The following GRIK2 variants were observed in gnomAD, a reference collection of about 807,000 sequenced individuals.
GRIK2 encodes glutamate receptor ionotropic, kainate 2.
A neutral mutation model predicts 100.3 loss-of-function variants in GRIK2; 32 were observed. The ratio of observed to expected loss-of-function variants is 0.32; its 90% confidence interval spans 0.24 to 0.43. GRIK2 has a LOEUF of 0.43. Ranked by LOEUF, GRIK2 falls within the 20% of genes least tolerant of loss-of-function variation. The probability of loss-of-function intolerance (pLI) is 1.00; values close to 1 mark genes in which losing one functional copy is unlikely to be tolerated. For missense variants in GRIK2, 843 were observed against 1,114.9 expected (o/e 0.76, Z 3.47); for synonymous variants, 417 against 389.4 (o/e 1.07, Z -0.83).
At chr6:101,438,085 G>T in intron 2 of GRIK2, among the ~76,000 whole-genome samples, 1 of 152,160 alleles carries the variant, frequency 6.6e-6, no homozygotes, top group Middle Eastern at 3.4e-3. Context: ...TCTACATATT[G>T]TCCATCAAAT....
intron 11 of GRIK2, among the ~76,000 whole-genome samples, chr6:101,865,732 CA>C (rs938732062): frequency 6.6e-6 from 1 of 151,544 alleles, no homozygotes; most frequent in African/African-American, 2.4e-5. Flanking sequence ...ACTAAAAATA[CA>C]AAAAAGTTAG....
chr6:101,612,271 G>A (rs1779714719), intron 2 of GRIK2, among the ~76,000 whole-genome samples: 1 of 151,704 alleles, frequency 6.6e-6, no homozygotes, highest in South Asian at 2.1e-4. Flanking sequence ...GAAACATAAA[G>A]AAGAAAAACA....
intron 2 of GRIK2, among the ~76,000 whole-genome samples, chr6:101,477,502 A>T (rs1027097493): frequency 6.6e-6 from 1 of 152,132 alleles, no homozygotes; most frequent in Non-Finnish European, 1.5e-5. Flanking sequence ...ACGATGAAAC[A>T]TGGGAGTCAG....
chr6:101,475,192 G>A (rs937498523), intron 2 of GRIK2, among the ~76,000 whole-genome samples: 39 of 151,960 alleles, frequency 2.6e-4, no homozygotes, highest in Non-Finnish European at 5.9e-5. Context: ...ACTGACACAC[G>A]TTTAGAGAAG....
chr6:101,551,931 G>T (rs1776531631), intron 2 of GRIK2, among the ~76,000 whole-genome samples: 1 of 152,168 alleles, frequency 6.6e-6, no homozygotes, highest in Non-Finnish European at 1.5e-5. Context: ...TTAGTGTAAA[G>T]CTTCTGCACC....
intron 14 of GRIK2, among the ~76,000 whole-genome samples, chr6:102,002,266 G>A (rs1377280544): frequency 6.7e-6 from 1 of 149,258 alleles, no homozygotes; most frequent in Non-Finnish European, 1.5e-5. Context: ...GATTATGTGT[G>A]TGTGTATGTA....
At position 101,595,591 on chromosome 6, in the gene GRIK2, TAC is replaced by T. The variant is rs748144806; in HGVS notation, c.116-26348_116-26347del. Reference sequence around the variant, plus strand: ...TAGGGATTTTATATGTGTATATATATACACACACACAGGTACAAACACACACA... The same window carrying T: ...TAGGGATTTTATATGTGTATATATATACACACACAGGTACAAACACACACA... On this transcript the variant is annotated intron_variant, in intron 2 of 16. Coordinates refer to ENST00000369134, the MANE Select transcript of GRIK2 (RefSeq NM_021956.5). Among the ~76,000 whole-genome samples the T allele has an allele frequency of 6.6e-5, 10 of 151,202 alleles. No homozygotes were observed. In the South Asian group the frequency reaches 1.5e-3, roughly 22 times the overall value.
At chr6:101,461,446 C>T (rs1366989342) in intron 2 of GRIK2, among the ~76,000 whole-genome samples, 1 of 152,186 alleles carries the variant, frequency 6.6e-6, no homozygotes, top group Non-Finnish European at 1.5e-5. Context: ...CTAGATGCCA[C>T]CACATTCCTT....
intron 4 of GRIK2, among the ~76,000 whole-genome samples, chr6:101,662,444 T>G (rs545587243): frequency 1.3e-5 from 2 of 152,248 alleles, no homozygotes; most frequent in Non-Finnish European, 2.9e-5. Flanking sequence ...TTTTTTAGCT[T>G]AATCCTGAAT....
intron 2 of GRIK2, among the ~76,000 whole-genome samples, chr6:101,488,165 T>C (rs558316594): frequency 2.7e-5 from 4 of 146,784 alleles, no homozygotes; most frequent in Non-Finnish European, 6.0e-5. Flanking sequence ...AGTCTCCTTA[T>C]AATCATCCTG....
chr6:101,420,785 C>G (rs969594235), intron 2 of GRIK2, among the ~76,000 whole-genome samples: 1 of 152,088 alleles, frequency 6.6e-6, no homozygotes, highest in African/African-American at 2.4e-5. Context: ...CAAAGTTCCA[C>G]GATGTGCAAA....
intron 7 of GRIK2, among the ~76,000 whole-genome samples, chr6:101,744,102 C>A (rs1337012759): frequency 1.3e-5 from 2 of 152,004 alleles, no homozygotes; most frequent in African/African-American, 2.4e-5. Context: ...GCCACCACGC[C>A]CGGCTAATTT....
At chr6:101,527,284 C>T (rs913509290) in intron 2 of GRIK2, among the ~76,000 whole-genome samples, 20 of 152,268 alleles carry the variant, frequency 1.3e-4, no homozygotes, top group African/African-American at 4.8e-4. Flanking sequence ...CTTGCTAAAA[C>T]ACAGAAAACT....
intron 2 of GRIK2, among the ~76,000 whole-genome samples, chr6:101,407,491 A>G (rs1775655054): frequency 6.6e-6 from 1 of 152,098 alleles, no homozygotes; most frequent in Admixed American, 6.6e-5. Context: ...TGTGCTTTGA[A>G]TCCATTTTAG....
rs1160088017 is a variant in GRIK2, at chr6:101,732,405, T to C, written c.951+46052T>C. On this transcript the variant is annotated intron_variant, in intron 7 of 16. Transcript: ENST00000369134. Reference sequence around the variant, plus strand: ...TTTACATTAAGTGATAACAATCATATTTTTTTTAGTTTTCAAAAGAGAAAA... The same window carrying C: ...TTTACATTAAGTGATAACAATCATACTTTTTTTAGTTTTCAAAAGAGAAAA... Among the ~76,000 whole-genome samples the C allele has an allele frequency of 3.3e-5, 5 of 151,766 alleles. No homozygotes were observed. In the East Asian group the frequency reaches 5.8e-4, roughly 18 times the overall value.
chr6:101,526,722 G>T (rs191503470), intron 2 of GRIK2, among the ~76,000 whole-genome samples: 1 of 152,176 alleles, frequency 6.6e-6, no homozygotes, highest in African/African-American at 2.4e-5. Flanking sequence ...GGAAGCTACA[G>T]GTTGTAGTTC....
intron 14 of GRIK2, among the ~76,000 whole-genome samples, chr6:101,931,939 C>T (rs1017370809): frequency 2.6e-5 from 4 of 152,038 alleles, no homozygotes; most frequent in Admixed American, 6.6e-5. Context: ...GTTTCACCCC[C>T]GGGCTAACCA....
chr6:101,454,178 T>A (rs1310264754), intron 2 of GRIK2, among the ~76,000 whole-genome samples: 4 of 152,120 alleles, frequency 2.6e-5, no homozygotes, highest in Non-Finnish European at 4.4e-5. Flanking sequence ...GGTATCATCA[T>A]CAACTGACCA....
chr6:101,671,254 ATG>A (rs1278365885), intron 4 of GRIK2, among the ~76,000 whole-genome samples: 1 of 152,186 alleles, frequency 6.6e-6, no homozygotes, highest in Non-Finnish European at 1.5e-5. Context: ...TATTTGAAAT[ATG>A]TGCTATATTC....
Sources: allele counts gnomAD v4.1 joint callset (sites outside exome capture counted in the v4.1 genomes callset), GRCh38; gene constraint gnomAD v4.1.1; transcripts MANE v1.5; gene names NCBI Gene and HGNC (gene_info 2026-07-23, HGNC 2026-07-21).